The following CRLF3 variants were observed in gnomAD, a reference collection of about 807,000 sequenced individuals.
CRLF3 encodes cytokine receptor like factor 3, also known as cytokine receptor-like factor 3.
In CRLF3, 33 loss-of-function variants were observed where a neutral mutation model predicts 55.0. That is an observed-to-expected ratio of 0.60 (90% confidence interval 0.46 to 0.80). The LOEUF is 0.80. Among genes scored for constraint, CRLF3 ranks in the 30% least tolerant of loss-of-function variants. The pLI is 0.00. For missense variants in CRLF3, 494 were observed against 538.4 expected (o/e 0.92, Z 0.82); for synonymous variants, 238 against 196.8 (o/e 1.21, Z -1.75).
chr17:30,786,103 C>T, intron 6 of CRLF3, 72 bp from the exon 7 acceptor site: 4 of 834,968 alleles, frequency 4.8e-6, no homozygotes, highest in Non-Finnish European at 8.1e-6. Context: ...CAGCCACTAG[C>T]TTAAAAAGAG....
chr17:30,818,471 T>C (rs1332118407), intron 1 of CRLF3, among the ~76,000 whole-genome samples: 2 of 150,656 alleles, frequency 1.3e-5, no homozygotes, highest in Non-Finnish European at 3.0e-5. Flanking sequence ...TTTTTTTTTT[T>C]TGAGACAGTT....
At chr17:30,806,087 C>A (rs1341293595) in intron 1 of CRLF3, among the ~76,000 whole-genome samples, 1 of 152,008 alleles carries the variant, frequency 6.6e-6, no homozygotes, top group African/African-American at 2.4e-5. Flanking sequence ...GGATAAAATG[C>A]CCTCATTATG....
intron 6 of CRLF3, among the ~76,000 whole-genome samples, chr17:30,787,188 A>T (rs1354822812): frequency 6.6e-6 from 1 of 152,216 alleles, no homozygotes; most frequent in Admixed American, 6.5e-5. Flanking sequence ...TCTATTTTAT[A>T]TTCTAGCTCT....
chr17:30,793,477 T>A lies in CRLF3; in HGVS notation c.799A>T (p.Ile267Leu). Residue 267 changes from isoleucine to leucine, a missense_variant, in exon 5 of 8, where the codon ATA becomes TTA. Physicochemically the swap from Ile to Leu is conservative, Grantham distance 5. Coordinates refer to ENST00000324238, the MANE Select transcript of CRLF3 (RefSeq NM_015986.4). ...TGAGGCACCAATGTGGAATGACCTA[T>A]CTGGGGGACACTCCAAGGACTCCAC... Reference protein sequence around the residue: ...QEWSPWSVPQIGHSTLVPHEW... With the variant: ...QEWSPWSVPQLGHSTLVPHEW... 2.5e-6 allele frequency: 4 copies of A among 1,614,072 alleles called. No individual in the cohort carries two copies. The highest frequency in any genetic ancestry group is 3.4e-6 in the Non-Finnish European group (4 of 1,179,972).
At chr17:30,788,000 A>C (rs1971688660) in intron 6 of CRLF3, among the ~76,000 whole-genome samples, 1 of 151,224 alleles carries the variant, frequency 6.6e-6, no homozygotes, top group African/African-American at 2.4e-5. Context: ...ACCTTGTCTT[A>C]AACAAAAAGA....
At chr17:30,788,115 T>A (rs1054632108) in intron 6 of CRLF3, among the ~76,000 whole-genome samples, 150 of 151,792 alleles carry the variant, frequency 9.9e-4, no homozygotes, top group African/African-American at 3.5e-3. Context: ...GATCACAAAG[T>A]CAGGAGATTG....
intron 1 of CRLF3, among the ~76,000 whole-genome samples, chr17:30,809,200 AACAG>A (rs893944834): frequency 1.1e-4 from 17 of 152,186 alleles, no homozygotes; most frequent in South Asian, 2.1e-4. Context: ...GTGAACACAA[AACAG>A]ACAGAGGGCT....
At chr17:30,801,800 G>A (rs1264502223) in intron 2 of CRLF3, among the ~76,000 whole-genome samples, 1 of 151,624 alleles carries the variant, frequency 6.6e-6, no homozygotes, top group Non-Finnish European at 1.5e-5. Flanking sequence ...AAATAGGCAG[G>A]GTCATTTTTT....
chr17:30,806,726 T>G (rs1233619811), intron 1 of CRLF3, among the ~76,000 whole-genome samples: 2 of 152,304 alleles, frequency 1.3e-5, no homozygotes, highest in African/African-American at 2.4e-5. Context: ...CTTGAACTCC[T>G]GGGCTCAGGT....
At chr17:30,824,032 C>T (rs1840919632) in intron 1 of CRLF3, among the ~76,000 whole-genome samples, 1 of 152,074 alleles carries the variant, frequency 6.6e-6, no homozygotes, top group Non-Finnish European at 1.5e-5. Context: ...TTCTCAATCC[C>T]TACCTCTCCC....
At chr17:30,799,669 TA>T (rs1338297466) in intron 2 of CRLF3, among the ~76,000 whole-genome samples, 1 of 152,114 alleles carries the variant, frequency 6.6e-6, no homozygotes, top group Non-Finnish European at 1.5e-5. Context: ...CATGCCCAGC[TA>T]ATTTTTGTAT....
At chr17:30,815,340 C>A (rs528851878) in intron 1 of CRLF3, among the ~76,000 whole-genome samples, 1 of 151,474 alleles carries the variant, frequency 6.6e-6, no homozygotes, top group East Asian at 2.0e-4. Context: ...CCCGCCTTGG[C>A]CTCCCAAAGT....
At chr17:30,787,301 TTTG>T (rs1391149262) in intron 6 of CRLF3, 1 of 152,176 alleles carries the variant, frequency 6.6e-6, no homozygotes, top group Admixed American at 6.6e-5. Flanking sequence ...TTGATTACTA[TTTG>T]TTAAGTAAAT....
At chr17:30,800,608 A>T (rs1473455285) in intron 2 of CRLF3, among the ~76,000 whole-genome samples, 2 of 125,780 alleles carry the variant, frequency 1.6e-5, no homozygotes, top group Non-Finnish European at 3.2e-5. Flanking sequence ...TCTACTTCTT[A>T]AAAAAAAAAA....
At chr17:30,785,292 G>C (rs1319405229) in intron 7 of CRLF3, 1 of 151,444 alleles carries the variant, frequency 6.6e-6, no homozygotes, top group Admixed American at 6.6e-5. Context: ...GGCCGGGCTG[G>C]TCTTGAACTC....
intron 4 of CRLF3, 99 bp downstream of exon 4, chr17:30,796,056 GAAGAA>G (rs1319441915): frequency 1.5e-6 from 1 of 670,744 alleles, no homozygotes; most frequent in Non-Finnish European, 2.4e-6. Flanking sequence ...TTTTGTTTGA[GAAGAA>G]AAGAATGTAT....
At chr17:30,819,240 CAT>C (rs1597934657) in intron 1 of CRLF3, among the ~76,000 whole-genome samples, 1 of 152,218 alleles carries the variant, frequency 6.6e-6, no homozygotes, top group African/African-American at 2.4e-5. Flanking sequence ...TGAAAGCCAA[CAT>C]AGTCATTTTA....
chr17:30,822,737 T>A (rs1905033776), intron 1 of CRLF3, among the ~76,000 whole-genome samples: 2 of 152,188 alleles, frequency 1.3e-5, no homozygotes, highest in Non-Finnish European at 2.9e-5. Context: ...TACTCCCAGG[T>A]GCTAAACTCA....
At chr17:30,803,123 C>A (rs1054741635) in intron 2 of CRLF3, among the ~76,000 whole-genome samples, 1 of 151,364 alleles carries the variant, frequency 6.6e-6, no homozygotes, top group Non-Finnish European at 1.5e-5. Context: ...TCTGACAGCA[C>A]CACTGCACTC....
Sources: allele counts gnomAD v4.1 joint callset (sites outside exome capture counted in the v4.1 genomes callset), GRCh38; gene constraint gnomAD v4.1.1; transcripts MANE v1.5; gene names NCBI Gene and HGNC (gene_info 2026-07-23, HGNC 2026-07-21).